SDK2: variants seen among roughly 807,000 people sequenced by gnomAD.
SDK2 encodes the protein sidekick cell adhesion molecule 2.
A neutral mutation model predicts 253.9 loss-of-function variants in SDK2; 105 were observed. The observed-to-expected ratio is 0.41, with a 90% CI of 0.35 to 0.49. SDK2 has a LOEUF of 0.49. Among genes scored for constraint, SDK2 ranks in the 20% least tolerant of loss-of-function variants. The probability of loss-of-function intolerance (pLI) is 0.06; values close to 1 mark genes in which losing one functional copy is unlikely to be tolerated. For synonymous variants in SDK2, 1,249 were observed against 1,234.9 expected (o/e 1.01, Z -0.24); for missense variants, 2,608 against 3,003.0 (o/e 0.87, Z 3.07).
At chr17:73,536,030 T>C (rs1599658031) in intron 1 of SDK2, among the ~76,000 whole-genome samples, 1 of 152,298 alleles carries the variant, frequency 6.6e-6, no homozygotes, top group East Asian at 1.9e-4. Context: ...TCTTAGCTGG[T>C]TCCACGTGCT....
In SDK2 at chr17:73,555,399, C is replaced by T. The variant is rs561642398; in HGVS notation, c.65-47802G>A. On this transcript the variant is annotated intron_variant, in intron 1 of 44. Transcript: ENST00000392650. ...GGGAGTATTCCTGGCCTGGGGGAGG[C>T]GCCATTGGGAGCGGTGCACTGGACC... Among the ~76,000 whole-genome samples the T allele has an allele frequency of 7.6e-4, 116 of 152,266 alleles. 4 individuals carry two copies. Among genetic ancestry groups the T allele is most frequent in the Non-Finnish European group, 4.7e-4 (32 of 68,022 alleles).
In SDK2 at chr17:73,385,017, C is replaced by T. The variant is rs572810466; in HGVS notation, c.4569+830G>A. ...AGCGTCCTCTCCTTGAGCTGTGTGT[C>T]TCAGGCTGGGGGGACCCTCCTGGCT... On this transcript the variant is annotated intron_variant, in intron 32 of 44. Transcript: ENST00000392650. 2.6e-5 allele frequency among the ~76,000 whole-genome samples: 4 copies of T among 152,322 alleles called. No homozygotes were observed. In the East Asian group the frequency reaches 7.7e-4, roughly 29 times the overall value.
intron 1 of SDK2, chr17:73,519,394 G>C (rs1395255436): frequency 6.6e-6 from 1 of 152,250 alleles, no homozygotes; most frequent in Non-Finnish European, 1.5e-5. Flanking sequence ...AGAGGGCTGA[G>C]CTGGACAGCA....
chr17:73,461,011 T>C (rs575451351), intron 3 of SDK2, among the ~76,000 whole-genome samples: 65 of 152,368 alleles, frequency 4.3e-4, no homozygotes, highest in African/African-American at 1.5e-3. Context: ...CTGTGAACAC[T>C]GAGGGCCAGG....
intron 1 of SDK2, among the ~76,000 whole-genome samples, chr17:73,603,371 C>T (rs1242043291): frequency 6.6e-6 from 1 of 152,224 alleles, no homozygotes; most frequent in African/African-American, 2.4e-5. Flanking sequence ...TGAGAGGATT[C>T]ATACTGACCG....
rs770585669 is a variant in SDK2, at chr17:73,348,659, G to A, written c.6105C>T (p.Asp2035=). 5.0e-6 allele frequency: 8 copies of A among 1,612,880 alleles called. No homozygotes were observed. Among genetic ancestry groups the A allele is most frequent in the Non-Finnish European group, 6.8e-6 (8 of 1,179,846 alleles). ...GGCTGCTGCTCTCTGCAGGGATGAG[G>A]TCGTTGTATTTGGTGACATCCTCAT... ...YSDEDVTKYN[D]LIPAESSSLT... The change falls in exon 44 of 45, where the codon GAC becomes GAT. Residue 2035 remains aspartate, a synonymous_variant. Transcript: ENST00000392650.
intron 8 of SDK2, 63 bp downstream of exon 8, chr17:73,437,676 T>A (rs1377225823): frequency 1.5e-6 from 2 of 1,328,728 alleles, no homozygotes; most frequent in African/African-American, 2.9e-5. Flanking sequence ...ATGTCCACAA[T>A]GAGGATGGGA....
At chr17:73,561,656 G>C (rs969969113) in intron 1 of SDK2, among the ~76,000 whole-genome samples, 5 of 152,260 alleles carry the variant, frequency 3.3e-5, no homozygotes, top group Non-Finnish European at 7.3e-5. Context: ...GCCTAGGCCA[G>C]GAACAAGTAG....
intron 1 of SDK2, among the ~76,000 whole-genome samples, chr17:73,527,172 C>A (rs1567823996): frequency 6.6e-6 from 1 of 152,080 alleles, no homozygotes; most frequent in Non-Finnish European, 1.5e-5. Context: ...GGAAGGGGAC[C>A]CTGTGAGTCA....
chr17:73,446,321 A>T (rs1282549740), intron 5 of SDK2, among the ~76,000 whole-genome samples: 1 of 152,080 alleles, frequency 6.6e-6, no homozygotes. Flanking sequence ...CTGAGACTTG[A>T]CTGAGACCCT....
intron 1 of SDK2, among the ~76,000 whole-genome samples, chr17:73,595,357 T>A (rs2045742243): frequency 6.6e-6 from 1 of 151,912 alleles, no homozygotes; most frequent in African/African-American, 2.4e-5. Context: ...TCTCTTGCCC[T>A]ATGGCTCCAG....
At position 73,338,334 on chromosome 17, in the gene SDK2, G is replaced by GGAGC; in HGVS notation, c.*252_*253insGCTC. 1.6e-6 allele frequency: 1 copy of GGAGC among 633,868 alleles called. No individual in the cohort carries two copies. Among genetic ancestry groups the GGAGC allele is most frequent in the East Asian group, 3.3e-5 (1 of 30,606 alleles). 39.3% of individuals were successfully genotyped at this position (633,868 alleles called of 1,614,324 possible). ...GTGACACAGCCACTTCCCCAGCTCC[G>GGAGC]TGTAATTCCCAAGGGAGCAGTGAAC... On this transcript the variant is annotated 3_prime_UTR_variant, in exon 45 of 45. Coordinates refer to ENST00000392650, the MANE Select transcript of SDK2 (RefSeq NM_001144952.2). This position sits in a 1 kb window ranked among gnomAD's most constrained non-coding sequence, Gnocchi z 5.0.
intron 18 of SDK2, among the ~76,000 whole-genome samples, chr17:73,405,886 A>AT (rs60372970): frequency 1.6e-3 from 233 of 147,692 alleles, no homozygotes; most frequent in Non-Finnish European, 2.5e-3. Context: ...CGCCCGGCTA[A>AT]TTTTTTTTTT....
chr17:73,390,589 C>T, intron 28 of SDK2, 108 bp from the exon 29 acceptor site: 1 of 1,160,416 alleles, frequency 8.6e-7, no homozygotes, highest in Non-Finnish European at 1.2e-6. Context: ...TACATGGCCA[C>T]CTTGCCGTGG....
chr17:73,424,463 A>G (rs1474802611), intron 12 of SDK2, among the ~76,000 whole-genome samples: 1 of 152,198 alleles, frequency 6.6e-6, no homozygotes, highest in African/African-American at 2.4e-5. Flanking sequence ...AAAGGAATGC[A>G]AGTTTCCTCA....
At chr17:73,398,467 A>G in intron 22 of SDK2, 38 bp from the exon 23 acceptor site, 1 of 1,566,548 alleles carries the variant, frequency 6.4e-7, no homozygotes, top group Non-Finnish European at 8.8e-7. Context: ...TCCAGCCTAC[A>G]GGGCCCACAC....
At chr17:73,347,024 C>T (rs887561869) in intron 44 of SDK2, among the ~76,000 whole-genome samples, 19 of 152,194 alleles carry the variant, frequency 1.2e-4, no homozygotes, top group Admixed American at 2.0e-4. Flanking sequence ...CTGCTTCTCA[C>T]GTGGCTGAGT....
chr17:73,373,975 T>C (rs570623588), intron 36 of SDK2, among the ~76,000 whole-genome samples: 1 of 145,132 alleles, frequency 6.9e-6, no homozygotes, highest in South Asian at 2.3e-4. Flanking sequence ...TTGGGTCCTT[T>C]GCCCCATTTT....
intron 15 of SDK2, among the ~76,000 whole-genome samples, chr17:73,421,420 C>T (rs1047104085): frequency 9.9e-5 from 15 of 152,176 alleles, no homozygotes; most frequent in Non-Finnish European, 1.9e-4. Flanking sequence ...ATTTGTATCA[C>T]GGTTGTTCTG....
Sources: allele counts gnomAD v4.1 joint callset (sites outside exome capture counted in the v4.1 genomes callset), GRCh38; gene constraint gnomAD v4.1.1; non-coding constraint Gnocchi (gnomAD v3.1); transcripts MANE v1.5; gene names NCBI Gene and HGNC (gene_info 2026-07-23, HGNC 2026-07-21).